The following POM121 variants were observed in gnomAD, a reference collection of about 807,000 sequenced individuals.
The protein encoded by POM121 is POM121 transmembrane nucleoporin.
In POM121, 32 loss-of-function variants were observed where a neutral mutation model predicts 81.3. The ratio of observed to expected loss-of-function variants is 0.39; its 90% CI spans 0.30 to 0.53. The LOEUF (loss-of-function observed/expected upper bound fraction) is 0.53, where lower values mean the gene tolerates loss of function less well. POM121 is among the 20% of genes least tolerant of loss of function. The pLI, the probability that POM121 is intolerant of heterozygous loss-of-function variation, is 0.66. For missense variants in POM121, 1,138 were observed against 1,614.6 expected, an observed-to-expected ratio of 0.70 and a Z score of 5.06; for synonymous variants, 514 against 694.2, an observed-to-expected ratio of 0.74 and a Z score of 4.08.
At chr7:72,909,473 G>A (rs1793595198) in intron 3 of POM121, among the ~76,000 whole-genome samples, 1 of 152,162 alleles carries the variant, frequency 6.6e-6, no homozygotes, top group South Asian at 2.1e-4. Context: ...TATGTTATGA[G>A]GCTGTATGTA....
chr7:72,923,092 A>C (rs1436562539), upstream of POM121, among the ~76,000 whole-genome samples: 1 of 149,614 alleles, frequency 6.7e-6, no homozygotes, highest in East Asian at 2.0e-4. Context: ...TTTTTTTCTT[A>C]AGCAACACAG....
chr7:72,887,240 ATTT>A (rs1487535252), intron 1 of POM121, among the ~76,000 whole-genome samples: 1 of 150,994 alleles, frequency 6.6e-6, no homozygotes, highest in Non-Finnish European at 1.5e-5. Context: ...GCCTGTCTTG[ATTT>A]TTTTGAACAT....
intron 4 of POM121, among the ~76,000 whole-genome samples, chr7:72,917,923 GTCACA>G (rs1251304859): frequency 1.3e-5 from 2 of 152,230 alleles, no homozygotes; most frequent in Non-Finnish European, 2.9e-5. Context: ...GGTCACGTGG[GTCACA>G]TGTCCACTGG....
intron 1 of POM121, among the ~76,000 whole-genome samples, chr7:72,889,537 C>T (rs1400770300): frequency 5.9e-5 from 9 of 151,478 alleles, no homozygotes; most frequent in African/African-American, 1.2e-4. Flanking sequence ...GACAAGGTCT[C>T]GCTCTGTTGC....
chr7:72,888,675 A>T (rs1327901189), intron 1 of POM121, among the ~76,000 whole-genome samples: 1 of 143,344 alleles, frequency 7.0e-6, no homozygotes, highest in African/African-American at 2.5e-5. Flanking sequence ...GAGGCATAAG[A>T]GTGTGTGTGT....
At chr7:72,949,021 T>C (rs1797906149), downstream of POM121, 2 of 1,612,730 alleles carry the variant, frequency 1.2e-6, no homozygotes, top group African/African-American at 1.3e-5. Context: ...CAGGGCTCGC[T>C]GCTGGAACCC....
downstream of POM121, chr7:72,948,458 C>T: frequency 1.2e-6 from 2 of 1,613,442 alleles, no homozygotes; most frequent in Non-Finnish European, 1.7e-6. Context: ...CCTTTCCCAC[C>T]AGGAAGGAGT....
chr7:72,923,114 C>CA (rs1491401753), upstream of POM121, among the ~76,000 whole-genome samples: 4 of 59,778 alleles, frequency 6.7e-5, no homozygotes, highest in South Asian at 5.2e-4. Context: ...TCCCCCCCAA[C>CA]CCCCCCCCCC....
At chr7:72,929,820 A>T (rs1795836723) in intron 4 of POM121, 120 bp from the exon 5 acceptor site, 1 of 1,357,522 alleles carries the variant, frequency 7.4e-7, no homozygotes, top group South Asian at 2.0e-5. Flanking sequence ...TGTTAGCAGT[A>T]AAAATTAAAA....
chr7:72,887,958 C>T (rs1790900516), intron 1 of POM121, among the ~76,000 whole-genome samples: 3 of 152,150 alleles, frequency 2.0e-5, no homozygotes, highest in East Asian at 3.9e-4. Flanking sequence ...AGGGTATATC[C>T]AGTACTTGTT....
intron 3 of POM121, among the ~76,000 whole-genome samples, chr7:72,906,868 T>C (rs550470372): frequency 1.3e-5 from 2 of 151,966 alleles, no homozygotes; most frequent in Admixed American, 6.6e-5. Flanking sequence ...GCTCAAGTGA[T>C]TCCCCCCGCC....
Position 72,937,819 on chromosome 7 carries a change from AACTCACCT to A in POM121, c.1276-770_1276-763del, listed in dbSNP as rs1188678779. On this transcript the variant is annotated intron_variant, in intron 5 of 12. Coordinates refer to ENST00000434423, the MANE Select transcript of POM121 (RefSeq NM_001387691.1). ...TGAAAACACCGTCTTTGCTGTCAAG[AACTCACCT>A]GGTGGAAGAGGCAGATGTATGGATA... is the stretch of plus-strand genomic sequence containing the variant. Among the ~76,000 whole-genome samples, 1,359 of 152,300 alleles carry A rather than the reference AACTCACCT, an allele frequency of 8.9e-3. 19 individuals are homozygous for A. Among genetic ancestry groups the A allele is most frequent in the African/African-American group, 0.031 (1,308 of 41,562 alleles).
upstream of POM121, among the ~76,000 whole-genome samples, chr7:72,922,867 T>C (rs1284898566): frequency 7.2e-5 from 11 of 152,280 alleles, no homozygotes; most frequent in East Asian, 2.1e-3. Flanking sequence ...ATCTGTACCC[T>C]GACGGCTTTT....
chr7:72,948,987 G>A (rs1554504141), downstream of POM121: 9 of 1,610,546 alleles, frequency 5.6e-6, no homozygotes, highest in Admixed American at 3.3e-5. Flanking sequence ...GCCGCTGCAG[G>A]GAAGGGAAAG....
intron 1 of POM121, among the ~76,000 whole-genome samples, chr7:72,880,746 C>A (rs1554489176): frequency 6.7e-6 from 1 of 149,446 alleles, no homozygotes; most frequent in African/African-American, 2.5e-5. Flanking sequence ...AGTCGCCAGG[C>A]ATGCTGGGAT....
chr7:72,943,180 G>C lies in POM121; in HGVS notation c.3187G>C (p.Val1063Leu), dbSNP rs267601557. The C allele has an allele frequency of 1.2e-6, 2 of 1,613,344 alleles. No homozygotes were observed. The highest frequency in any genetic ancestry group is 1.7e-6 in the Non-Finnish European group (2 of 1,179,824). The change falls in exon 11 of 13, where the codon GTC (valine) becomes CTC (leucine). Residue 1063 changes from valine to leucine, a missense_variant. Coordinates refer to ENST00000434423, the MANE Select transcript of POM121 (RefSeq NM_001387691.1). ...GCCCGCCTTTGGCGGCTCCACTGCT[G>C]TCTTCTTCGGTGCAGCCACCAGCTC... is the stretch of plus-strand genomic sequence containing the variant. ...SQPAFGGSTA[V>L]FFGAATSSGF...
chr7:72,914,040 G>A (rs1794062312), intron 4 of POM121, among the ~76,000 whole-genome samples: 1 of 152,222 alleles, frequency 6.6e-6, no homozygotes, highest in Non-Finnish European at 1.5e-5. Flanking sequence ...TAGGACAGAA[G>A]CGACGCTATG....
chr7:72,946,006 G>A (rs370482855), intron 12 of POM121, 131 bp from the exon 13 acceptor site: 35,294 of 1,451,628 alleles, frequency 0.024, 678 homozygotes, highest in Non-Finnish European at 0.029. Context: ...CAGTGTTTCT[G>A]ATGCAGCGGG....
chr7:72,898,028 G>A (rs1283349338), intron 3 of POM121, among the ~76,000 whole-genome samples: 3 of 152,138 alleles, frequency 2.0e-5, no homozygotes, highest in Admixed American at 1.3e-4. Context: ...AGGAAAAAAA[G>A]AAAGAAAGTA....
Sources: allele counts gnomAD v4.1 joint callset (sites outside exome capture counted in the v4.1 genomes callset), GRCh38; gene constraint gnomAD v4.1.1; transcripts MANE v1.5; gene names NCBI Gene and HGNC (gene_info 2026-07-23, HGNC 2026-07-21).